The following CTTNBP2 variants were observed in gnomAD, a reference collection of about 807,000 sequenced individuals.
The protein encoded by CTTNBP2 is cortactin binding protein 2.
In CTTNBP2, 108 loss-of-function variants were observed where a neutral mutation model predicts 156.9. The observed-to-expected ratio is 0.69, with a 90% CI of 0.59 to 0.81. CTTNBP2 has a LOEUF of 0.81. Among genes scored for constraint, CTTNBP2 ranks in the 30% least tolerant of loss-of-function variants. The probability of loss-of-function intolerance (pLI) is 0.00; values close to 1 mark genes in which losing one functional copy is unlikely to be tolerated. For synonymous variants in CTTNBP2, 767 were observed against 751.8 expected (o/e 1.02, Z -0.33); for missense variants, 1,924 against 2,035.4 (o/e 0.95, Z 1.05).
Position 117,791,786 on chromosome 7 carries a change from C to T in CTTNBP2, c.1410G>A (p.Pro470=), listed in dbSNP as rs141387536. 2.9e-4 allele frequency: 469 copies of T among 1,614,142 alleles called. No individual in the cohort carries two copies. Among genetic ancestry groups the T allele is most frequent in the Admixed American group, 4.0e-4 (24 of 60,018 alleles). The change falls in exon 4 of 23, where the codon CCG becomes CCA. Residue 470 remains proline, a synonymous_variant. Coordinates refer to ENST00000160373, the MANE Select transcript of CTTNBP2 (RefSeq NM_033427.3). ...GACTTGTAGGCGAGACATCTCTTGACGGAGGACTTTGGGTAGTATTTCCAT... is the reference window on the plus strand; with the variant it reads ...GACTTGTAGGCGAGACATCTCTTGATGGAGGACTTTGGGTAGTATTTCCAT... ...DQNGNTTQSP[P]SRDVSPTSRD...
intron 2 of CTTNBP2, among the ~76,000 whole-genome samples, chr7:117,859,081 G>T (rs1434359412): frequency 6.6e-6 from 1 of 151,910 alleles, no homozygotes; most frequent in African/African-American, 2.4e-5. Context: ...ATATTTTCCT[G>T]GTATCTTTGT....
intron 4 of CTTNBP2, chr7:117,786,316 C>T (rs1798696945): frequency 1.8e-5 from 6 of 334,718 alleles, no homozygotes; most frequent in South Asian, 1.5e-4. Context: ...TTTATCTAAA[C>T]TTTATGATAT....
intron 8 of CTTNBP2, among the ~76,000 whole-genome samples, chr7:117,775,489 G>A (rs1365316566): frequency 2.0e-5 from 3 of 151,262 alleles, no homozygotes; most frequent in Non-Finnish European, 2.9e-5. Context: ...TACACTGAAG[G>A]GTAACTCACC....
intron 2 of CTTNBP2, among the ~76,000 whole-genome samples, chr7:117,832,342 C>T (rs541221325): frequency 1.3e-5 from 2 of 152,332 alleles, no homozygotes; most frequent in Admixed American, 1.3e-4. Context: ...GTCCCTACAT[C>T]TTCAGACATA....
intron 3 of CTTNBP2, among the ~76,000 whole-genome samples, chr7:117,801,900 T>A (rs888895864): frequency 2.6e-5 from 4 of 151,726 alleles, no homozygotes; most frequent in African/African-American, 9.7e-5. Context: ...GTTTTTTATT[T>A]TTTTTATTTT....
chr7:117,843,500 G>A (rs1361038452), intron 2 of CTTNBP2, among the ~76,000 whole-genome samples: 3 of 152,186 alleles, frequency 2.0e-5, no homozygotes, highest in Non-Finnish European at 2.9e-5. Context: ...TCCAGACAGA[G>A]GAAACAAATA....
intron 2 of CTTNBP2, 143 bp from the exon 3 acceptor site, chr7:117,811,132 A>G: frequency 1.5e-6 from 1 of 646,392 alleles, no homozygotes; most frequent in Non-Finnish European, 2.6e-6. Context: ...GGTGAGTGAG[A>G]GGCAAATGTG....
chr7:117,725,310 T>C, intron 17 of CTTNBP2, 53 bp from the exon 18 acceptor site: 1 of 1,500,458 alleles, frequency 6.7e-7, no homozygotes, highest in Non-Finnish European at 9.3e-7. Flanking sequence ...TCAATAATTA[T>C]ACACAATTCC....
chr7:117,819,179 A>G (rs1425266168), intron 2 of CTTNBP2, among the ~76,000 whole-genome samples: 1 of 152,182 alleles, frequency 6.6e-6, no homozygotes, highest in African/African-American at 2.4e-5. Flanking sequence ...GACCAACATT[A>G]AATAACACTA....
At chr7:117,827,926 AGTT>A (rs1422680704) in intron 2 of CTTNBP2, among the ~76,000 whole-genome samples, 1 of 152,200 alleles carries the variant, frequency 6.6e-6, no homozygotes, top group East Asian at 1.9e-4. Flanking sequence ...TGGTGGGGGC[AGTT>A]GTTCTCCTGT....
chr7:117,801,973 T>C (rs1799633887), intron 3 of CTTNBP2, among the ~76,000 whole-genome samples: 1 of 151,946 alleles, frequency 6.6e-6, no homozygotes, highest in East Asian at 1.9e-4. Context: ...TAGTTACATA[T>C]GTATACATGT....
chr7:117,775,408 G>A (rs1021490969), intron 8 of CTTNBP2, among the ~76,000 whole-genome samples: 7 of 151,834 alleles, frequency 4.6e-5, no homozygotes, highest in South Asian at 2.1e-4. Context: ...ACAATGCCAC[G>A]TTTGATCATA....
At chr7:117,822,333 CTT>C (rs1413128559) in intron 2 of CTTNBP2, among the ~76,000 whole-genome samples, 3 of 151,976 alleles carry the variant, frequency 2.0e-5, no homozygotes, top group Admixed American at 2.0e-4. Flanking sequence ...TGAATCAACT[CTT>C]TATTATTATT....
intron 20 of CTTNBP2, among the ~76,000 whole-genome samples, chr7:117,720,679 C>T (rs1364042318): frequency 6.6e-6 from 1 of 152,034 alleles, no homozygotes; most frequent in East Asian, 1.9e-4. Flanking sequence ...GGCAAGAGAG[C>T]AAGACTCTGT....
chr7:117,806,766 T>A (rs1409622581), intron 3 of CTTNBP2, among the ~76,000 whole-genome samples: 1 of 149,782 alleles, frequency 6.7e-6, no homozygotes, highest in South Asian at 2.1e-4. Flanking sequence ...TTTTTTTTTT[T>A]TTTTTATTTT....
chr7:117,862,241 G>T (rs1803807545), intron 1 of CTTNBP2, among the ~76,000 whole-genome samples: 1 of 151,642 alleles, frequency 6.6e-6, no homozygotes, highest in South Asian at 2.1e-4. Flanking sequence ...AGGGAGCTGA[G>T]GCTGGAGTAA....
intron 8 of CTTNBP2, among the ~76,000 whole-genome samples, chr7:117,773,881 C>G (rs1554421498): frequency 6.6e-6 from 1 of 152,100 alleles, no homozygotes; most frequent in Non-Finnish European, 1.5e-5. Flanking sequence ...CAGGAAGCCA[C>G]TGGCTTCGGC....
At chr7:117,827,937 T>C (rs35935853) in intron 2 of CTTNBP2, among the ~76,000 whole-genome samples, 1 of 152,202 alleles carries the variant, frequency 6.6e-6, no homozygotes, top group Non-Finnish European at 1.5e-5. Context: ...GTTGTTCTCC[T>C]GTACTCCCAC....
At chr7:117,796,893 T>C (rs1273625248) in intron 3 of CTTNBP2, among the ~76,000 whole-genome samples, 1 of 152,182 alleles carries the variant, frequency 6.6e-6, no homozygotes, top group African/African-American at 2.4e-5. Context: ...CAATGGTTAT[T>C]AGACTAATTC....
Sources: allele counts gnomAD v4.1 joint callset (sites outside exome capture counted in the v4.1 genomes callset), GRCh38; gene constraint gnomAD v4.1.1; transcripts MANE v1.5; gene names NCBI Gene and HGNC (gene_info 2026-07-23, HGNC 2026-07-21).